Variants in PRIM2 observed in about 807,000 individuals in gnomAD.
PRIM2 encodes the protein DNA primase large subunit.
In PRIM2, 39 loss-of-function variants were observed where a neutral mutation model predicts 67.3. The ratio of observed to expected loss-of-function variants is 0.58; its 90% CI spans 0.45 to 0.76. PRIM2 has a LOEUF of 0.76. Among genes scored for constraint, PRIM2 ranks in the 30% least tolerant of loss-of-function variants. PRIM2 has a pLI of 0.00. For synonymous variants in PRIM2, 143 were observed against 198.7 expected, an observed-to-expected ratio of 0.72 and a Z score of 2.36; for missense variants, 398 against 598.7, an observed-to-expected ratio of 0.66 and a Z score of 3.50.
At chr6:57,317,978 C>G (rs1182962425) in intron 1 of PRIM2, among the ~76,000 whole-genome samples, 2 of 152,100 alleles carry the variant, frequency 1.3e-5, no homozygotes, top group African/African-American at 2.4e-5. Context: ...CTCTGTTTCC[C>G]AGAGTCATAA....
rs1189530732 is a variant in PRIM2, at chr6:57,645,321, TCACACACACACACACACACACA to T, written c.1300-578_1300-557del. On this transcript the variant is annotated intron_variant, in intron 13 of 13. Coordinates refer to ENST00000615550, the MANE Select transcript of PRIM2 (RefSeq NM_000947.5). ...GTGCCTCACTAACATACAATGTCAT[TCACACACACACACACACACACA>T]CACACACACACACACACACACACAC... Among the ~76,000 whole-genome samples, 122 of 132,856 alleles carry T rather than the reference TCACACACACACACACACACACA, an allele frequency of 9.2e-4. 2 individuals are homozygous for T. The East Asian group carries it at 0.02, about 22-fold the overall frequency. The allele number at this position is 132,856 out of a possible 152,430, so 87.2% of individuals were successfully genotyped here.
At chr6:57,561,169 A>G (rs1775620619) in intron 10 of PRIM2, among the ~76,000 whole-genome samples, 1 of 152,092 alleles carries the variant, frequency 6.6e-6, no homozygotes, top group Non-Finnish European at 1.5e-5. Flanking sequence ...TTGTACTTTT[A>G]TATCATGGAG....
chr6:57,383,550 G>A (rs1412346923), intron 7 of PRIM2: 1 of 146,014 alleles, frequency 6.8e-6, no homozygotes, highest in African/African-American at 2.6e-5. Context: ...TTCTTTGGGG[G>A]CTCCTGAAAA....
intron 10 of PRIM2, among the ~76,000 whole-genome samples, chr6:57,583,570 T>C (rs1255804821): frequency 4.0e-5 from 6 of 151,104 alleles, no homozygotes; most frequent in Non-Finnish European, 8.9e-5. Flanking sequence ...TAATCCAGTC[T>C]ATCATTGTTG....
chr6:57,340,385 T>G (rs1444865420), intron 5 of PRIM2, among the ~76,000 whole-genome samples: 1 of 152,174 alleles, frequency 6.6e-6, no homozygotes, highest in Non-Finnish European at 1.5e-5. Flanking sequence ...TAAATCATGC[T>G]GCTATAAAGA....
chr6:57,426,963 G>A (rs1771652994), intron 7 of PRIM2, among the ~76,000 whole-genome samples: 3 of 152,090 alleles, frequency 2.0e-5, no homozygotes, highest in African/African-American at 4.8e-5. Flanking sequence ...AAATTTCTGC[G>A]TTGTGTTTGT....
At chr6:57,554,231 A>C (rs1236763979) in intron 10 of PRIM2, among the ~76,000 whole-genome samples, 4 of 147,818 alleles carry the variant, frequency 2.7e-5, no homozygotes, top group Non-Finnish European at 6.0e-5. Flanking sequence ...GTTTACATGT[A>C]AATGTTGTTT....
chr6:57,400,033 C>T (rs1023806369), intron 7 of PRIM2, among the ~76,000 whole-genome samples: 6 of 152,350 alleles, frequency 3.9e-5, no homozygotes, highest in Non-Finnish European at 7.3e-5. Context: ...GACAGCATAC[C>T]ATTGGGTCTT....
At chr6:57,287,147 T>A in the PRIM2 span, among the ~76,000 whole-genome samples, 2 of 152,136 alleles carry the variant, frequency 1.3e-5, no homozygotes, top group African/African-American at 4.8e-5. Context: ...GGAATGCTTT[T>A]ACGGTGTTGG....
the PRIM2 span, among the ~76,000 whole-genome samples, chr6:57,230,707 C>T: frequency 6.6e-6 from 1 of 152,190 alleles, no homozygotes; most frequent in Non-Finnish European, 1.5e-5. Flanking sequence ...GAGGCTTGCA[C>T]AGTTTGGAAA....
chr6:57,502,196 A>G (rs1278011012), intron 7 of PRIM2, among the ~76,000 whole-genome samples: 1 of 152,204 alleles, frequency 6.6e-6, no homozygotes, highest in Non-Finnish European at 1.5e-5. Flanking sequence ...GTTCCCAGCC[A>G]TGATGGAATG....
At chr6:57,420,873 T>C (rs1201916779) in intron 7 of PRIM2, among the ~76,000 whole-genome samples, 1 of 152,232 alleles carries the variant, frequency 6.6e-6, no homozygotes, top group South Asian at 2.1e-4. Flanking sequence ...TGTGGAGATA[T>C]CTGGCATGTA....
chr6:57,439,250 C>T (rs1304837658), intron 7 of PRIM2, among the ~76,000 whole-genome samples: 1 of 151,974 alleles, frequency 6.6e-6, no homozygotes, highest in African/African-American at 2.4e-5. Context: ...CTTAAATATG[C>T]ATTTTACCTT....
intron 13 of PRIM2, among the ~76,000 whole-genome samples, chr6:57,640,406 GAAAT>G (rs1353290500): frequency 5.9e-5 from 9 of 152,258 alleles, no homozygotes; most frequent in African/African-American, 2.2e-4. Flanking sequence ...GCAAGAGAAA[GAAAT>G]AAAGGGTATT....
At chr6:57,223,725 G>A in the PRIM2 span, among the ~76,000 whole-genome samples, 2 of 152,042 alleles carry the variant, frequency 1.3e-5, 1 homozygote, top group Non-Finnish European at 2.9e-5. Context: ...AGAGACTCAA[G>A]GTCACTAATC....
At chr6:57,281,444 C>T in the PRIM2 span, among the ~76,000 whole-genome samples, 95 of 152,308 alleles carry the variant, frequency 6.2e-4, 1 homozygote, top group African/African-American at 2.2e-3. Flanking sequence ...CGTTTCTCCA[C>T]ATCCTCAGCC....
At chr6:57,249,317 T>C in the PRIM2 span, among the ~76,000 whole-genome samples, 315 of 152,330 alleles carry the variant, frequency 2.1e-3, 1 homozygote, top group African/African-American at 7.3e-3. Context: ...AGAAGTCTTT[T>C]TCTAGTAGGA....
chr6:57,489,557 CCA>C (rs1773838877), intron 7 of PRIM2, among the ~76,000 whole-genome samples: 1 of 36,724 alleles, frequency 2.7e-5, no homozygotes. Flanking sequence ...ACCCCCGTCT[CCA>C]GAAAAAAGAA....
At chr6:57,498,863 A>G (rs1382344501) in intron 7 of PRIM2, among the ~76,000 whole-genome samples, 2 of 152,266 alleles carry the variant, frequency 1.3e-5, no homozygotes, top group South Asian at 2.1e-4. Context: ...ACCATTTACC[A>G]TATTTGCTTA....
Sources: allele counts gnomAD v4.1 joint callset (sites outside exome capture counted in the v4.1 genomes callset), GRCh38; gene constraint gnomAD v4.1.1; transcripts MANE v1.5; gene names NCBI Gene and HGNC (gene_info 2026-07-23, HGNC 2026-07-21).